Variants in CYP2C19 observed in about 807,000 individuals in gnomAD.
CYP2C19 encodes the protein cytochrome P450 2C19.
In CYP2C19, 59 loss-of-function variants were observed where a neutral mutation model predicts 40.9. The ratio of observed to expected loss-of-function variants is 1.44; its 90% CI spans 1.17 to 1.79. The LOEUF (loss-of-function observed/expected upper bound fraction) is 1.79. Ranked by LOEUF, CYP2C19 falls within the 40% of genes most tolerant of loss-of-function variation. The pLI is 0.00. For missense variants in CYP2C19, 754 were observed against 596.9 expected, an observed-to-expected ratio of 1.26 and a Z score of -2.74; for synonymous variants, 253 against 208.7, an observed-to-expected ratio of 1.21 and a Z score of -1.83.
At chr10:94,823,788 C>T (rs1049919486) in intron 6 of CYP2C19, among the ~76,000 whole-genome samples, 1 of 152,162 alleles carries the variant, frequency 6.6e-6, no homozygotes, top group African/African-American at 2.4e-5. Context: ...GTCCCTTTCT[C>T]AGAAAAATAT....
chr10:94,775,232 A>C lies in CYP2C19; in HGVS notation c.331+12A>C, dbSNP rs754514180. On this transcript the variant is annotated intron_variant, in intron 2 of 8. Coordinates refer to ENST00000371321, the MANE Select transcript of CYP2C19 (RefSeq NM_000769.4). ...TAACAGAGGATTTGGTAGGTGTGCA[A>C]GTGCCTGTTTCAGCATCTGTCTTGG... is the stretch of plus-strand genomic sequence containing the variant. 4 of 1,613,916 alleles carry C rather than the reference A, an allele frequency of 2.5e-6. No individual in the cohort carries two copies. The highest frequency in any genetic ancestry group is 1.3e-5 in the African/African-American group (1 of 74,918).
chr10:94,762,928 T>A, intron 1 of CYP2C19, 55 bp downstream of exon 1: 2 of 1,501,802 alleles, frequency 1.3e-6, no homozygotes, highest in South Asian at 2.3e-5. Flanking sequence ...CCTGTATTTT[T>A]TAAATAAAGT....
intron 1 of CYP2C19, among the ~76,000 whole-genome samples, chr10:94,769,461 A>G (rs1589817070): frequency 6.6e-6 from 1 of 152,196 alleles, no homozygotes; most frequent in Non-Finnish European, 1.5e-5. Flanking sequence ...GGCATCCTTG[A>G]GGTCCAGAAC....
intron 7 of CYP2C19, among the ~76,000 whole-genome samples, chr10:94,844,578 A>G (rs1349414437): frequency 6.6e-6 from 1 of 152,230 alleles, no homozygotes. Flanking sequence ...AAAATAATAT[A>G]ACCTAAAGTT....
chr10:94,785,715 T>A (rs1389393860), intron 5 of CYP2C19, among the ~76,000 whole-genome samples: 1 of 152,080 alleles, frequency 6.6e-6, no homozygotes, highest in Non-Finnish European at 1.5e-5. Flanking sequence ...GCAAAGAGCA[T>A]CGCGTAAAAT....
At chr10:94,795,538 C>A (rs1262963474) in intron 5 of CYP2C19, among the ~76,000 whole-genome samples, 1 of 150,686 alleles carries the variant, frequency 6.6e-6, no homozygotes, top group Non-Finnish European at 1.5e-5. Flanking sequence ...ATGGCTGGGT[C>A]AAATGGTATT....
chr10:94,817,398 T>C (rs1053891459), intron 5 of CYP2C19, among the ~76,000 whole-genome samples: 4 of 146,884 alleles, frequency 2.7e-5, no homozygotes, highest in Non-Finnish European at 4.5e-5. Flanking sequence ...TGTCTGTTCA[T>C]GTCCTTTGCC....
chr10:94,834,764 C>T (rs1489728676), intron 6 of CYP2C19, among the ~76,000 whole-genome samples: 6 of 152,140 alleles, frequency 3.9e-5, no homozygotes, highest in African/African-American at 1.4e-4. Flanking sequence ...AGTGAGCTCT[C>T]CTTACTATCT....
At chr10:94,848,021 G>A (rs901044999) in intron 7 of CYP2C19, among the ~76,000 whole-genome samples, 1 of 152,138 alleles carries the variant, frequency 6.6e-6, no homozygotes, top group Non-Finnish European at 1.5e-5. Flanking sequence ...CTCCCATTCT[G>A]TAGGTTGCCT....
intron 7 of CYP2C19, among the ~76,000 whole-genome samples, chr10:94,846,393 G>T (rs1156391362): frequency 6.6e-6 from 1 of 152,164 alleles, no homozygotes; most frequent in Non-Finnish European, 1.5e-5. Context: ...GGCACATAAT[G>T]TTACATATGC....
At chr10:94,795,015 A>T (rs1012900054) in intron 5 of CYP2C19, among the ~76,000 whole-genome samples, 7 of 151,642 alleles carry the variant, frequency 4.6e-5, no homozygotes, top group Non-Finnish European at 8.8e-5. Context: ...ATATATATAT[A>T]TTTTTATACT....
intron 5 of CYP2C19, among the ~76,000 whole-genome samples, chr10:94,806,123 G>A (rs1304472727): frequency 6.6e-6 from 1 of 151,818 alleles, no homozygotes; most frequent in Non-Finnish European, 1.5e-5. Context: ...AGTATGCTGG[G>A]TACCTCATAG....
rs781013692 is a variant in CYP2C19, at chr10:94,849,987, T to C, written c.1220T>C (p.Phe407Ser). 4 of 1,613,804 alleles carry C rather than the reference T, an allele frequency of 2.5e-6. No individual in the cohort carries two copies. Among genetic ancestry groups the C allele is most frequent in the Admixed American group, 1.7e-5 (1 of 59,972 alleles). The change falls in exon 8 of 9, where the codon TTT becomes TCT. Residue 407 changes from phenylalanine (F) to serine (S), a missense_variant. Transcript: ENST00000371321. Reference protein sequence around the residue: ...DNKEFPNPEMFDPRHFLDEGG... With the variant: ...DNKEFPNPEMSDPRHFLDEGG... ...AAAGAATTTCCCAACCCAGAGATGT[T>C]TGACCCTCGTCACTTTCTGGATGAA...
intron 1 of CYP2C19, among the ~76,000 whole-genome samples, chr10:94,770,816 G>T (rs1284104475): frequency 1.3e-5 from 2 of 152,138 alleles, no homozygotes; most frequent in Non-Finnish European, 2.9e-5. Context: ...GTCAACAGAT[G>T]TTTATGACTA....
intron 6 of CYP2C19, among the ~76,000 whole-genome samples, chr10:94,840,502 G>A (rs1849475679): frequency 1.3e-5 from 2 of 152,066 alleles, no homozygotes; most frequent in Admixed American, 1.3e-4. Flanking sequence ...ACTTGCTAGA[G>A]GAAATGAAAG....
intron 1 of CYP2C19, among the ~76,000 whole-genome samples, chr10:94,772,003 C>T (rs1383945788): frequency 2.0e-5 from 3 of 152,106 alleles, no homozygotes; most frequent in Non-Finnish European, 4.4e-5. Context: ...GTTGCCCTTA[C>T]CAATGCATTC....
At position 94,838,829 on chromosome 10, in the gene CYP2C19, G is replaced by A. The variant is rs149240063; in HGVS notation, c.962-4008G>A. ...CATTTGCCTTTTTCCTACAAAAGAG[G>A]TCTAGCTGTAAGATGGTGTTATAAT... On this transcript the variant is annotated intron_variant, in intron 6 of 8. Coordinates refer to ENST00000371321, the MANE Select transcript of CYP2C19 (RefSeq NM_000769.4). Among the ~76,000 whole-genome samples, 273 of 152,036 alleles carry A rather than the reference G, an allele frequency of 1.8e-3. 1 individual carries two copies. Among genetic ancestry groups the A allele is most frequent in the East Asian group, 6.4e-3 (33 of 5,162 alleles).
intron 6 of CYP2C19, among the ~76,000 whole-genome samples, chr10:94,824,538 A>G (rs532158841): frequency 2.0e-4 from 31 of 152,330 alleles, no homozygotes; most frequent in Middle Eastern, 3.4e-3. Context: ...ATATATGCGT[A>G]AATCTGTTAG....
Position 94,853,701 on chromosome 10 carries a change from A to G in CYP2C19, c.*787A>G, listed in dbSNP as rs986322065. Among the ~76,000 whole-genome samples the G allele has an allele frequency of 1.3e-5, 2 of 151,880 alleles. No individual in the cohort carries two copies. The highest frequency in any genetic ancestry group is 2.9e-5 in the Non-Finnish European group (2 of 67,980). On this transcript the variant is annotated 3_prime_UTR_variant, in exon 9 of 9. Transcript: ENST00000371321. ...GCTGGGATTACAGACACGTGCCACC[A>G]TGCCTGGCTAATTTTTTTGTATTTT...
Sources: allele counts gnomAD v4.1 joint callset (sites outside exome capture counted in the v4.1 genomes callset), GRCh38; gene constraint gnomAD v4.1.1; transcripts MANE v1.5; gene names NCBI Gene and HGNC (gene_info 2026-07-23, HGNC 2026-07-21).